Variants in TRIM37 observed in about 807,000 individuals in gnomAD.
TRIM37 encodes the protein tripartite motif containing 37, also known as E3 ubiquitin-protein ligase TRIM37.
A neutral mutation model predicts 129.8 loss-of-function variants in TRIM37; 80 were observed. The observed-to-expected ratio is 0.62, with a 90% CI of 0.51 to 0.74. TRIM37 has a LOEUF of 0.74. Ranked by LOEUF, TRIM37 falls within the 30% of genes least tolerant of loss-of-function variation. The pLI is 0.00. For synonymous variants in TRIM37, 389 were observed against 387.1 expected, an observed-to-expected ratio of 1.00 and a Z score of -0.06; for missense variants, 1,054 against 1,176.5, an observed-to-expected ratio of 0.90 and a Z score of 1.52.
intron 2 of TRIM37, among the ~76,000 whole-genome samples, chr17:59,093,762 C>T (rs555544865): frequency 2.0e-5 from 3 of 152,214 alleles, no homozygotes; most frequent in Admixed American, 2.0e-4. Context: ...TTATATGGTC[C>T]CTCCCTCCAT....
chr17:58,980,114 TC>T, downstream of TRIM37: 1 of 1,614,100 alleles, frequency 6.2e-7, no homozygotes. This position sits in a 1 kb window ranked among gnomAD's most constrained non-coding sequence, Gnocchi z 4.7. Context: ...GAAAGTTGTG[TC>T]CGACCACCTG....
At chr17:59,096,071 A>C (rs1212438629) in intron 2 of TRIM37, among the ~76,000 whole-genome samples, 1 of 152,142 alleles carries the variant, frequency 6.6e-6, no homozygotes, top group Non-Finnish European at 1.5e-5. Flanking sequence ...ACAAAAGTCC[A>C]CTTCTTATGG....
chr17:59,009,929 AC>A (rs1331064125), intron 22 of TRIM37, among the ~76,000 whole-genome samples: 4 of 152,258 alleles, frequency 2.6e-5, no homozygotes, highest in Admixed American at 2.6e-4. Flanking sequence ...TATTTTTATT[AC>A]GTATCTCATT....
intron 19 of TRIM37, 125 bp downstream of exon 19, chr17:59,028,290 C>A: frequency 1.1e-6 from 1 of 870,610 alleles, no homozygotes; most frequent in South Asian, 1.7e-5. Context: ...AGAAAAAAGT[C>A]ACATGTAATT....
chr17:59,048,778 G>T (rs1046913902), intron 15 of TRIM37, among the ~76,000 whole-genome samples: 2 of 152,052 alleles, frequency 1.3e-5, no homozygotes, highest in African/African-American at 4.8e-5. Flanking sequence ...TGTATTTTTC[G>T]TAGAGACAGG....
intron 17 of TRIM37, among the ~76,000 whole-genome samples, chr17:59,035,845 T>C (rs564414556): frequency 4.6e-5 from 7 of 152,202 alleles, no homozygotes; most frequent in Middle Eastern, 3.4e-3. Context: ...GACGGATCGG[T>C]GACAGGTTCT....
chr17:59,079,157 G>C (rs1378199141), intron 7 of TRIM37, among the ~76,000 whole-genome samples: 4 of 151,850 alleles, frequency 2.6e-5, no homozygotes, highest in Non-Finnish European at 5.9e-5. Flanking sequence ...CAAAACACTG[G>C]AAGGACTAAG....
At chr17:59,058,345 C>G (rs1392977470) in intron 12 of TRIM37, among the ~76,000 whole-genome samples, 1 of 152,036 alleles carries the variant, frequency 6.6e-6, no homozygotes, top group African/African-American at 2.4e-5. Flanking sequence ...AACTTATGAA[C>G]ACAAAGAAGG....
chr17:58,984,989 G>A (rs2031663184), intron 24 of TRIM37: 1 of 152,612 alleles, frequency 6.6e-6, no homozygotes, highest in South Asian at 2.1e-4. Context: ...TCTCTATGGA[G>A]TGAAGCGAAT....
At chr17:59,063,416 G>A (rs2041668331) in intron 10 of TRIM37, among the ~76,000 whole-genome samples, 1 of 152,088 alleles carries the variant, frequency 6.6e-6, no homozygotes, top group South Asian at 2.1e-4. Flanking sequence ...TGACCTCGAT[G>A]ATCCACCCGC....
chr17:58,969,816 C>G, the TRIM37 span: 1 of 1,245,196 alleles, frequency 8.0e-7, no homozygotes, highest in Non-Finnish European at 1.1e-6. Flanking sequence ...TAGATTTTCT[C>G]TTTCTGGGCA....
intron 14 of TRIM37, 47 bp from the exon 15 acceptor site, chr17:59,049,440 C>T: frequency 1.3e-6 from 2 of 1,504,896 alleles, no homozygotes; most frequent in South Asian, 1.1e-5. Context: ...CTCACTGGCA[C>T]AGTAAAAGAT....
At chr17:59,035,813 A>G (rs2038409679) in intron 17 of TRIM37, among the ~76,000 whole-genome samples, 1 of 152,092 alleles carries the variant, frequency 6.6e-6, no homozygotes. Context: ...TTCACATAGA[A>G]AAAAAACCTC....
At chr17:59,045,639 A>C (rs1458982096) in intron 16 of TRIM37, among the ~76,000 whole-genome samples, 1 of 142,608 alleles carries the variant, frequency 7.0e-6, no homozygotes, top group Non-Finnish European at 1.5e-5. Context: ...ACTCCGTCAC[A>C]AAAAAAAAAA....
chr17:59,093,739 T>C (rs1025514573), intron 2 of TRIM37, among the ~76,000 whole-genome samples: 1 of 152,144 alleles, frequency 6.6e-6, no homozygotes, highest in Admixed American at 6.6e-5. Flanking sequence ...TGTCGATATA[T>C]CTGTGCATTT....
chr17:59,021,646 G>A (rs542402707), intron 19 of TRIM37, among the ~76,000 whole-genome samples: 1 of 151,878 alleles, frequency 6.6e-6, no homozygotes, highest in Non-Finnish European at 1.5e-5. Context: ...GGTGGCTGGG[G>A]GGATGGTTAA....
chr17:58,994,381 A>T (rs989445656), downstream of TRIM37, among the ~76,000 whole-genome samples: 10 of 152,240 alleles, frequency 6.6e-5, no homozygotes, highest in Non-Finnish European at 1.3e-4. Context: ...TAATTTACAT[A>T]GCATTTACAT....
downstream of TRIM37, chr17:58,980,600 G>C (rs745964136): frequency 1.2e-5 from 19 of 1,614,184 alleles, 1 homozygote; most frequent in South Asian, 2.1e-4. The surrounding 1 kb of genome is among the most constrained non-coding windows in gnomAD (Gnocchi z 4.7). Context: ...GAAAAAATCA[G>C]TTCAGTCATC....
At chr17:59,033,635 G>A (rs1599028393) in intron 17 of TRIM37, among the ~76,000 whole-genome samples, 4 of 152,024 alleles carry the variant, frequency 2.6e-5, no homozygotes, top group South Asian at 2.1e-4. Context: ...AGGATGGTCT[G>A]GATCTCCTAA....
Sources: allele counts gnomAD v4.1 joint callset (sites outside exome capture counted in the v4.1 genomes callset), GRCh38; gene constraint gnomAD v4.1.1; non-coding constraint Gnocchi (gnomAD v3.1); transcripts MANE v1.5; gene names NCBI Gene and HGNC (gene_info 2026-07-23, HGNC 2026-07-21).